The following DHX9 variants were observed in gnomAD, a reference collection of about 807,000 sequenced individuals.
DHX9 encodes DExH-box helicase 9.
DHX9 carries 27 observed loss-of-function variants against 148.7 expected under a neutral mutation model. The observed-to-expected ratio is 0.18, with a 90% CI of 0.13 to 0.25. The LOEUF (loss-of-function observed/expected upper bound fraction) is 0.25. Among genes scored for constraint, DHX9 ranks in the 10% least tolerant of loss-of-function variants. The pLI is 1.00. For synonymous variants in DHX9, 529 were observed against 516.6 expected (o/e 1.02, Z -0.33); for missense variants, 796 against 1,559.6 (o/e 0.51, Z 8.25).
At chr1:182,863,793 AT>A (rs61680747) in intron 12 of DHX9, among the ~76,000 whole-genome samples, 2,245 of 148,288 alleles carry the variant, frequency 0.015, 30 homozygotes, top group Admixed American at 0.025. Flanking sequence ...GAATTAGAAG[AT>A]TTTTTTTTTT....
At chr1:182,858,946 CTA>C (rs1434400180) in intron 10 of DHX9, 52 bp downstream of exon 10, 31 of 1,610,288 alleles carry the variant, frequency 1.9e-5, no homozygotes, top group Non-Finnish European at 2.4e-5. Context: ...ACTCTTGAGA[CTA>C]TATTTGATTA....
intron 3 of DHX9, among the ~76,000 whole-genome samples, chr1:182,848,322 G>A (rs1668069762): frequency 6.6e-6 from 1 of 152,208 alleles, no homozygotes; most frequent in Non-Finnish European, 1.5e-5. Context: ...AACTCGAGGA[G>A]GCCACTGACA....
At chr1:182,860,346 C>T in intron 12 of DHX9, 162 bp downstream of exon 12, 1 of 566,508 alleles carries the variant, frequency 1.8e-6, no homozygotes, top group East Asian at 3.4e-5. Flanking sequence ...TTTTTCTAAT[C>T]TCTAGTATGC....
chr1:182,887,409 A>T lies in DHX9; in HGVS notation c.3788A>T (p.Gln1263Leu). The T allele has an allele frequency of 6.2e-7, 1 of 1,613,446 alleles. No individual in the cohort carries two copies. Among genetic ancestry groups the T allele is most frequent in the Non-Finnish European group, 8.5e-7 (1 of 1,179,656 alleles). Reference sequence around the variant, plus strand: ...GCCTATGGAACTGGCTACTTTGGACAGGGAAGAGGAGGTGGCGGCTATTAA... The same window carrying T: ...GCCTATGGAACTGGCTACTTTGGACTGGGAAGAGGAGGTGGCGGCTATTAA... ...RGAYGTGYFGQGRGGGGY is the reference protein window; with the variant it reads ...RGAYGTGYFGLGRGGGGY Residue 1263 changes from glutamine to leucine, a missense_variant, in exon 28 of 28, where the codon CAG (glutamine) becomes CTG (leucine). Transcript: ENST00000367549.
At chr1:182,862,056 G>A (rs1194337420) in intron 12 of DHX9, among the ~76,000 whole-genome samples, 1 of 150,046 alleles carries the variant, frequency 6.7e-6, no homozygotes, top group African/African-American at 2.5e-5. Flanking sequence ...TATTATTTTT[G>A]TTTTTAATAT....
chr1:182,876,030 T>C lies in DHX9; in HGVS notation c.1816-20T>C, dbSNP rs1648748961. 2.5e-6 allele frequency: 4 copies of C among 1,605,748 alleles called. No individual in the cohort carries two copies. Among genetic ancestry groups the C allele is most frequent in the African/African-American group, 2.7e-5 (2 of 74,600 alleles). ...GAGTAACTGAGACAATCCAAAAATA[T>C]GTCTCCCTGTTTTTTACAGGCAAAT... On this transcript the variant is annotated intron_variant, in intron 16 of 27. Transcript: ENST00000367549.
chr1:182,882,863 CA>C (rs796875709), intron 24 of DHX9, among the ~76,000 whole-genome samples: 15,304 of 83,792 alleles, frequency 0.18, 1,148 homozygotes, highest in Middle Eastern at 0.36. Flanking sequence ...AGACTCGTCT[CA>C]AAAAAAAAAA....
Position 182,879,359 on chromosome 1 carries a change from A to G in DHX9, c.2461A>G (p.Ile821Val), listed in dbSNP as rs2102618116. The G allele has an allele frequency of 2.6e-6, 4 of 1,533,498 alleles. No individual in the cohort carries two copies. The highest frequency in any genetic ancestry group is 1.7e-4 in the Middle Eastern group (1 of 5,726). The allele number at this position is 1,533,498 out of a possible 1,614,324, so 95.0% of individuals were successfully genotyped here. ...GGIGQFLAKA[I>V]EPPPLDAVIE... ...AATTGGCCAATTTCTGGCCAAAGCA[A>G]TTGAACCTCCCCCTTTGGATGCTGT... Residue 821 changes from isoleucine (I) to valine (V), a missense_variant, in exon 21 of 28, where the codon ATT (isoleucine) becomes GTT (valine). By Grantham distance (29) the Ile-to-Val change is conservative. This residue lies in a region of DHX9 where 122 missense variants were observed against 289.3 expected (regional missense o/e 0.42). Coordinates refer to ENST00000367549, the MANE Select transcript of DHX9 (RefSeq NM_001357.5).
At chr1:182,879,842 C>T (rs548461647) in intron 21 of DHX9, among the ~76,000 whole-genome samples, 1 of 152,056 alleles carries the variant, frequency 6.6e-6, no homozygotes, top group South Asian at 2.1e-4. Flanking sequence ...TCTTCTGCCT[C>T]AGCCTCCCGA....
intron 20 of DHX9, among the ~76,000 whole-genome samples, chr1:182,878,924 C>T (rs1383570651): frequency 2.0e-5 from 3 of 152,202 alleles, no homozygotes; most frequent in African/African-American, 4.8e-5. Context: ...GTCTTGTTGT[C>T]GTTTTTAACC....
chr1:182,880,855 AGGC>A (rs1649052870), intron 22 of DHX9, among the ~76,000 whole-genome samples: 7 of 152,196 alleles, frequency 4.6e-5, no homozygotes, highest in African/African-American at 1.2e-4. Flanking sequence ...CAAGCAGGCC[AGGC>A]AATGTGGCTC....
chr1:182,841,734 A>G lies in DHX9; in HGVS notation c.-22-811A>G, dbSNP rs527546771. Among the ~76,000 whole-genome samples, 3 of 152,370 alleles carry G rather than the reference A, an allele frequency of 2.0e-5. No individual in the cohort carries two copies. The South Asian group carries it at 6.2e-4, about 32-fold the overall frequency. On this transcript the variant is annotated intron_variant, in intron 1 of 27. Coordinates refer to ENST00000367549, the MANE Select transcript of DHX9 (RefSeq NM_001357.5). ...ATAGCATATTTTATTTTCTCTGGTTATAAATGTGGTCTCATATCTTGCTTA... is the reference window on the plus strand; with the variant it reads ...ATAGCATATTTTATTTTCTCTGGTTGTAAATGTGGTCTCATATCTTGCTTA...
At chr1:182,853,168 AC>A (rs1465373317) in intron 4 of DHX9, 137 bp from the exon 5 acceptor site, 2 of 606,830 alleles carry the variant, frequency 3.3e-6, no homozygotes, top group Non-Finnish European at 5.9e-6. Context: ...CACACGTGAT[AC>A]CCACCTCAGC....
chr1:182,858,431 T>C lies in DHX9; in HGVS notation c.811-120T>C, dbSNP rs2102600329. ...GTAAATAATCATTGAAGTAATTCTC[T>C]CACAAAAGGGAACTGACTATTGGTT... On this transcript the variant is annotated intron_variant, in intron 8 of 27. Coordinates refer to ENST00000367549, the MANE Select transcript of DHX9 (RefSeq NM_001357.5). 8 of 1,105,700 alleles carry C rather than the reference T, an allele frequency of 7.2e-6. No homozygotes were observed. In the South Asian group the frequency reaches 1.2e-4, roughly 17 times the overall value. The allele number at this position is 1,105,700 out of a possible 1,614,324, so 68.5% of individuals were successfully genotyped here.
At chr1:182,876,378 T>G in intron 17 of DHX9, 69 bp from the exon 18 acceptor site, 3 of 1,559,418 alleles carry the variant, frequency 1.9e-6, no homozygotes, top group Non-Finnish European at 2.6e-6. Flanking sequence ...AATAAAAATA[T>G]GTATAATGGA....
chr1:182,877,619 C>T (rs1188937776), intron 19 of DHX9: 1 of 164,844 alleles, frequency 6.1e-6, no homozygotes, highest in Non-Finnish European at 1.3e-5. Context: ...ACACAGGCAT[C>T]ACTAGATACA....
intron 14 of DHX9, among the ~76,000 whole-genome samples, chr1:182,868,177 T>C (rs2102608747): frequency 6.6e-6 from 1 of 152,306 alleles, no homozygotes; most frequent in Admixed American, 6.5e-5. Context: ...TAAAATTGAA[T>C]AGTACTCAGC....
At position 182,840,552 on chromosome 1, in the gene DHX9, C is replaced by G. The variant is rs1667905566; in HGVS notation, c.-23+1096C>G. On this transcript the variant is annotated intron_variant, in intron 1 of 27. Coordinates refer to ENST00000367549, the MANE Select transcript of DHX9 (RefSeq NM_001357.5). ...CGACCTCGTGATCCGCCTGCCTTGG[C>G]CTACCAAAGTGCTGGGATTACAGGC... Among the ~76,000 whole-genome samples, 6 of 152,154 alleles carry G rather than the reference C, an allele frequency of 3.9e-5. 1 individual carries two copies. In the South Asian group the frequency reaches 1.2e-3, roughly 31 times the overall value.
chr1:182,881,948 C>T (rs1372035330), intron 24 of DHX9, among the ~76,000 whole-genome samples: 1 of 152,170 alleles, frequency 6.6e-6, no homozygotes, highest in Non-Finnish European at 1.5e-5. Context: ...GACTTTATGA[C>T]ATCTAACATA....
Sources: allele counts gnomAD v4.1 joint callset (sites outside exome capture counted in the v4.1 genomes callset), GRCh38; gene constraint gnomAD v4.1.1; regional missense constraint gnomAD v4.1.1; transcripts MANE v1.5; gene names NCBI Gene and HGNC (gene_info 2026-07-23, HGNC 2026-07-21).